CSN2: variants seen among roughly 807,000 people sequenced by gnomAD.
CSN2 encodes the protein beta-casein.
CSN2 carries 27 observed loss-of-function variants against 27.3 expected under a neutral mutation model. The ratio of observed to expected loss-of-function variants is 0.99; its 90% CI spans 0.73 to 1.36. The LOEUF is 1.36. CSN2 is among the 40% of genes most tolerant of loss of function. The probability of loss-of-function intolerance (pLI) is 0.00; values close to 1 mark genes in which losing one functional copy is unlikely to be tolerated. For missense variants in CSN2, 333 were observed against 264.5 expected (o/e 1.26, Z -1.80); for synonymous variants, 131 against 94.8 (o/e 1.38, Z -2.22).
At chr4:69,960,280 T>A (rs796662777) in intron 2 of CSN2, among the ~76,000 whole-genome samples, 3 of 152,200 alleles carry the variant, frequency 2.0e-5, no homozygotes, top group African/African-American at 7.2e-5. Flanking sequence ...AATTTTTACA[T>A]CACTTATGCA....
At position 69,959,918 on chromosome 4, in the gene CSN2, C is replaced by T. The variant is rs1334708484; in HGVS notation, c.78+135G>A. The stretch of plus-strand genomic sequence containing the variant: ...TATCCAGATACTTATTGTCCTTAAA[C>T]ACACATAAAAGAAATATGTACTAGA... On this transcript the variant is annotated intron_variant, in intron 3 of 7. Coordinates refer to ENST00000353151, the MANE Select transcript of CSN2 (RefSeq NM_001891.4). 1.1e-5 allele frequency: 7 copies of T among 660,738 alleles called. No individual in the cohort carries two copies. The East Asian group carries it at 2.0e-4, about 19-fold the overall frequency. The allele number at this position is 660,738 out of a possible 1,614,324, so 40.9% of individuals were successfully genotyped here.
intron 1 of CSN2, among the ~76,000 whole-genome samples, chr4:69,963,049 C>A (rs1043684379): frequency 6.6e-6 from 1 of 151,512 alleles, no homozygotes; most frequent in Non-Finnish European, 1.5e-5. Flanking sequence ...CCATCTCACA[C>A]CAGTTAGAAT....
In CSN2 at chr4:69,955,297, A is replaced by G. The variant is rs549969249; in HGVS notation, c.*332T>C. 2 of 152,546 alleles carry G rather than the reference A, an allele frequency of 1.3e-5. No homozygotes were observed. The highest frequency in any genetic ancestry group is 2.9e-5 in the Non-Finnish European group (2 of 67,970). 9.4% of individuals were successfully genotyped at this position (152,546 alleles called of 1,614,324 possible). A position where few individuals can be genotyped will look rare whatever the true frequency, so the allele number is the denominator to read the frequency against. On this transcript the variant is annotated 3_prime_UTR_variant, in exon 8 of 8. Transcript: ENST00000353151. ...TTATTGAAATGACTGGAAAGGAAAT[A>G]GATTCTTAAAGAAATAAAAATAAGC...
In CSN2 at chr4:69,960,958, G is replaced by A. The variant is rs1015952297; in HGVS notation, c.38C>T (p.Ala13Val). 7 of 1,612,820 alleles carry A rather than the reference G, an allele frequency of 4.3e-6. No homozygotes were observed. Among genetic ancestry groups the A allele is most frequent in the Non-Finnish European group, 5.9e-6 (7 of 1,179,194 alleles). Residue 13 changes from alanine (A) to valine (V), a missense_variant, in exon 2 of 8, where the codon GCT becomes GTT. Physicochemically the swap from Ala to Val is moderately conservative, Grantham distance 64. Transcript: ENST00000353151. ...TTGTGCACATACCTCCCTTGCAAGA[G>A]CAAGAGCCACCAGGCAGGCGAGGAT... is the stretch of plus-strand genomic sequence containing the variant. ...VLILACLVAL[A>V]LARETIESLS...
At chr4:69,958,111 T>G (rs796327775) in intron 5 of CSN2, among the ~76,000 whole-genome samples, 1 of 152,202 alleles carries the variant, frequency 6.6e-6, no homozygotes, top group South Asian at 2.1e-4. Flanking sequence ...AGCTGTACAC[T>G]TTGGTCTTCA....
At chr4:69,959,911 C>T (rs1723515835) in intron 3 of CSN2, 142 bp downstream of exon 3, 9 of 632,422 alleles carry the variant, frequency 1.4e-5, no homozygotes, top group South Asian at 2.5e-5. Context: ...TACTTATTGT[C>T]CTTAAACACA....
intron 1 of CSN2, among the ~76,000 whole-genome samples, chr4:69,964,859 A>T (rs1481456633): frequency 6.7e-6 from 1 of 150,332 alleles, no homozygotes; most frequent in Non-Finnish European, 1.5e-5. Flanking sequence ...TAGTTTTTAT[A>T]CTCATTTCTA....
rs200475419 is a variant in CSN2, at chr4:69,960,930, T to C, written c.51+15A>G. 169 of 1,611,476 alleles carry C rather than the reference T, an allele frequency of 1.0e-4. No individual in the cohort carries two copies. The highest frequency in any genetic ancestry group is 1.1e-4 in the Non-Finnish European group (129 of 1,178,148). ...TATTTATTGATTGTTTAGGAATTTT[T>C]TCTTGTGCACATACCTCCCTTGCAA... is the stretch of plus-strand genomic sequence containing the variant. On this transcript the variant is annotated intron_variant, in intron 2 of 7. Coordinates refer to ENST00000353151, the MANE Select transcript of CSN2 (RefSeq NM_001891.4).
intron 1 of CSN2, among the ~76,000 whole-genome samples, chr4:69,962,957 T>C (rs1172970133): frequency 6.6e-6 from 1 of 152,174 alleles, no homozygotes; most frequent in Non-Finnish European, 1.5e-5. Context: ...AAAGAAGACA[T>C]TTATACAGCC....
intron 1 of CSN2, among the ~76,000 whole-genome samples, chr4:69,963,243 C>T (rs1723666296): frequency 6.6e-6 from 1 of 152,062 alleles, no homozygotes; most frequent in Non-Finnish European, 1.5e-5. Flanking sequence ...TGGGTATATA[C>T]CCAAAGGATT....
intron 2 of CSN2, among the ~76,000 whole-genome samples, chr4:69,960,396 A>G (rs1366951617): frequency 2.0e-5 from 3 of 151,382 alleles, no homozygotes; most frequent in Non-Finnish European, 4.4e-5. Context: ...CTATTAATAT[A>G]TTTTTATCTT....
intron 3 of CSN2, among the ~76,000 whole-genome samples, chr4:69,959,407 C>A (rs1723500597): frequency 6.6e-6 from 1 of 152,006 alleles, no homozygotes; most frequent in African/African-American, 2.4e-5. Context: ...ACAATTGATA[C>A]ATTATGATCA....
At chr4:69,959,643 C>T (rs1006106881) in intron 3 of CSN2, among the ~76,000 whole-genome samples, 2 of 151,866 alleles carry the variant, frequency 1.3e-5, no homozygotes, top group Non-Finnish European at 2.9e-5. Flanking sequence ...GTCCTTTTTG[C>T]ACGTCTGCCT....
At position 69,961,015 on chromosome 4, in the gene CSN2, T is replaced by C. The variant is rs1723561289; in HGVS notation, c.-12-8A>G. On this transcript the variant is annotated splice_region_variant and splice_polypyrimidine_tract_variant and intron_variant, in intron 1 of 7. Coordinates refer to ENST00000353151, the MANE Select transcript of CSN2 (RefSeq NM_001891.4). ...CTTCATGGCTACTAAGTCCTGTGAA[T>C]GTAGAAAAAATGGAATGGTGGAAGA... is the stretch of plus-strand genomic sequence containing the variant. 6.2e-7 allele frequency: 1 copy of C among 1,608,626 alleles called. No homozygotes were observed. The highest frequency in any genetic ancestry group is 1.3e-5 in the African/African-American group (1 of 74,698).
intron 1 of CSN2, among the ~76,000 whole-genome samples, chr4:69,965,202 G>C (rs1276260430): frequency 6.6e-6 from 1 of 150,806 alleles, no homozygotes; most frequent in Non-Finnish European, 1.5e-5. Context: ...AGTAGTAAAT[G>C]CCCCCATACC....
intron 6 of CSN2, among the ~76,000 whole-genome samples, chr4:69,956,867 T>G (rs933569666): frequency 3.3e-5 from 5 of 152,166 alleles, no homozygotes; most frequent in African/African-American, 1.2e-4. Flanking sequence ...TCAGAATCTC[T>G]GGGTAAGCTT....
Position 69,956,465 on chromosome 4 carries a change from A to T in CSN2, c.676-110T>A, listed in dbSNP as rs1578142639. On this transcript the variant is annotated intron_variant, in intron 6 of 7. Coordinates refer to ENST00000353151, the MANE Select transcript of CSN2 (RefSeq NM_001891.4). ...ATCTCCGTCTTTTGCCTTCATATATATTTACAGCAAAAACCAGATGTGAAG... is the reference window on the plus strand; with the variant it reads ...ATCTCCGTCTTTTGCCTTCATATATTTTTACAGCAAAAACCAGATGTGAAG... 16 of 821,640 alleles carry T rather than the reference A, an allele frequency of 1.9e-5. No homozygotes were observed. The East Asian group carries it at 5.8e-4, about 30-fold the overall frequency. 50.9% of individuals were successfully genotyped at this position (821,640 alleles called of 1,614,324 possible).
Position 69,957,768 on chromosome 4 carries a change from G to T in CSN2, c.181C>A (p.Pro61Thr). 1 of 1,613,810 alleles carries T rather than the reference G, an allele frequency of 6.2e-7. No individual in the cohort carries two copies. Among genetic ancestry groups the T allele is most frequent in the South Asian group, 1.1e-5 (1 of 91,048 alleles). ...HQDKIYPSFQPQPLIYPFVEP... is the reference protein window; with the variant it reads ...HQDKIYPSFQTQPLIYPFVEP... ...ACGAATGGATAGATCAGAGGCTGTG[G>T]CTGGAAAGAGGGGTAGATTTTATCC... is the stretch of plus-strand genomic sequence containing the variant. Residue 61 changes from proline (P) to threonine (T), a missense_variant, in exon 6 of 8, where the codon CCA (proline) becomes ACA (threonine). Coordinates refer to ENST00000353151, the MANE Select transcript of CSN2 (RefSeq NM_001891.4).
chr4:69,961,407 G>C (rs1723575714), intron 1 of CSN2, among the ~76,000 whole-genome samples: 1 of 152,112 alleles, frequency 6.6e-6, no homozygotes. Context: ...CTTCATCCCT[G>C]GGATGCAAGG....
Sources: allele counts gnomAD v4.1 joint callset (sites outside exome capture counted in the v4.1 genomes callset), GRCh38; gene constraint gnomAD v4.1.1; transcripts MANE v1.5; gene names NCBI Gene and HGNC (gene_info 2026-07-23, HGNC 2026-07-21).